ANKS3: variants seen among roughly 807,000 people sequenced by gnomAD.
ANKS3 encodes the protein ankyrin repeat and SAM domain-containing protein 3.
A neutral mutation model predicts 80.7 loss-of-function variants in ANKS3; 62 were observed. That is an observed-to-expected ratio of 0.77 (90% CI 0.63 to 0.95). ANKS3 has a LOEUF of 0.95. Among genes scored for constraint, ANKS3 ranks in the 40% least tolerant of loss-of-function variants. The probability of loss-of-function intolerance (pLI) is 0.00; values close to 1 mark genes in which losing one functional copy is unlikely to be tolerated. For missense variants in ANKS3, 1,150 were observed against 883.6 expected, an observed-to-expected ratio of 1.30 and a Z score of -3.82; for synonymous variants, 489 against 355.3, an observed-to-expected ratio of 1.38 and a Z score of -4.23.
At chr16:4,700,767 A>G in intron 11 of ANKS3, 2 of 791,446 alleles carry the variant, frequency 2.5e-6, no homozygotes, top group Non-Finnish European at 4.5e-6. Context: ...CTTTCCGTGG[A>G]GAGGAACAGA....
intron 5 of ANKS3, 123 bp downstream of exon 5, chr16:4,726,536 C>G (rs2081361898): frequency 3.9e-6 from 4 of 1,035,040 alleles, no homozygotes; most frequent in Non-Finnish European, 4.3e-6. Flanking sequence ...TACCCCTCAT[C>G]TTGAGCCTCT....
rs574607601 is a variant in ANKS3, at chr16:4,711,458, C to T, written c.709+2593G>A. On this transcript the variant is annotated intron_variant, in intron 7 of 17. Transcript: ENST00000304283. ...AATTGGCCGGGTGCGGTGGCTCACACCTATAATCCCAGTACTTTGGGAGGC... is the reference window on the plus strand; with the variant it reads ...AATTGGCCGGGTGCGGTGGCTCACATCTATAATCCCAGTACTTTGGGAGGC... Among the ~76,000 whole-genome samples, 81 of 151,824 alleles carry T rather than the reference C, an allele frequency of 5.3e-4. 1 individual carries two copies. Among genetic ancestry groups the T allele is most frequent in the South Asian group, 2.1e-3 (10 of 4,802 alleles).
At chr16:4,730,934 C>A (rs1188174004) in intron 2 of ANKS3, among the ~76,000 whole-genome samples, 1 of 151,890 alleles carries the variant, frequency 6.6e-6, no homozygotes, top group Admixed American at 6.6e-5. Flanking sequence ...CACTGTCTAA[C>A]GGGGACATAT....
chr16:4,734,208 C>T lies in ANKS3; in HGVS notation c.-341G>A, dbSNP rs1459852967. On this transcript the variant is annotated 5_prime_UTR_variant, in exon 1 of 18. Coordinates refer to ENST00000304283, the MANE Select transcript of ANKS3 (RefSeq NM_133450.4). ...CCCTCGGGCTGCCGTCGCCAACCCCCCCCAAACAGCTCGCCGCCACGCTCC... is the reference window on the plus strand; with the variant it reads ...CCCTCGGGCTGCCGTCGCCAACCCCTCCCAAACAGCTCGCCGCCACGCTCC... The T allele has an allele frequency of 5.6e-6, 1 of 179,356 alleles. No homozygotes were observed. The highest frequency in any genetic ancestry group is 1.9e-4 in the East Asian group (1 of 5,280). The allele number at this position is 179,356 out of a possible 1,614,324, so 11.1% of individuals were successfully genotyped here.
chr16:4,709,388 A>T (rs1286922021), intron 7 of ANKS3, among the ~76,000 whole-genome samples: 2 of 151,782 alleles, frequency 1.3e-5, no homozygotes, highest in Admixed American at 1.3e-4. Context: ...CCTAGGAAAC[A>T]AGAGCGAAAC....
chr16:4,706,675 T>A (rs941587578), intron 7 of ANKS3, among the ~76,000 whole-genome samples: 4 of 152,244 alleles, frequency 2.6e-5, no homozygotes, highest in Non-Finnish European at 4.4e-5. Flanking sequence ...ATATTTGATT[T>A]GTATAAGGCT....
chr16:4,707,694 G>A (rs1010227367), intron 7 of ANKS3, among the ~76,000 whole-genome samples: 2 of 152,100 alleles, frequency 1.3e-5, no homozygotes, highest in African/African-American at 4.8e-5. Context: ...CACGCTAATA[G>A]GTAATTTTGT....
In ANKS3 at chr16:4,709,463, G is replaced by C. The variant is rs752243402; in HGVS notation, c.710-4210C>G. ...ATGAGATCCAGCAATTCCACTACTG[G>C]GTATTTATCCAAAAGAAAGGAAATC... On this transcript the variant is annotated intron_variant, in intron 7 of 17. Transcript: ENST00000304283. Among the ~76,000 whole-genome samples, 3 of 151,854 alleles carry C rather than the reference G, an allele frequency of 2.0e-5. No individual in the cohort carries two copies. The East Asian group carries it at 5.8e-4, about 29-fold the overall frequency.
intron 1 of ANKS3, among the ~76,000 whole-genome samples, chr16:4,733,550 C>A (rs2081777844): frequency 6.6e-6 from 1 of 152,028 alleles, no homozygotes; most frequent in South Asian, 2.1e-4. Flanking sequence ...CCTTTGCCTC[C>A]CAAAGTGCTA....
Position 4,701,689 on chromosome 16 carries a change from T to C in ANKS3, c.1010-146A>G, listed in dbSNP as rs528280965. On this transcript the variant is annotated intron_variant, in intron 9 of 17. Coordinates refer to ENST00000304283, the MANE Select transcript of ANKS3 (RefSeq NM_133450.4). ...TATATTTCAAACTTCCTGCCTGTCC[T>C]AAACCCTCCCCTCTATACAGACGGG... is the stretch of plus-strand genomic sequence containing the variant. The C allele has an allele frequency of 1.0e-3, 665 of 658,614 alleles. 2 individuals carry two copies. In the African/African-American group the frequency reaches 0.011, roughly 11 times the overall value. 40.8% of individuals were successfully genotyped at this position (658,614 alleles called of 1,614,324 possible).
Position 4,696,562 on chromosome 16 carries a change from A to C in ANKS3, c.*346T>G, listed in dbSNP as rs928903211. The C allele has an allele frequency of 5.0e-5, 9 of 179,730 alleles. No homozygotes were observed. Among genetic ancestry groups the C allele is most frequent in the African/African-American group, 1.7e-4 (7 of 42,040 alleles). The allele number at this position is 179,730 out of a possible 1,614,324, so 11.1% of individuals were successfully genotyped here. A position where few individuals can be genotyped will look rare whatever the true frequency, so the allele number is the denominator to read the frequency against. ...AAAAATGGCATTTTCCAGGTGCCCC[A>C]GTCCTCATTCCTAAGGTCCCACCTC... is the stretch of plus-strand genomic sequence containing the variant. On this transcript the variant is annotated 3_prime_UTR_variant, in exon 18 of 18. Coordinates refer to ENST00000304283, the MANE Select transcript of ANKS3 (RefSeq NM_133450.4).
At chr16:4,710,702 C>A (rs1044425633) in intron 7 of ANKS3, among the ~76,000 whole-genome samples, 1 of 151,750 alleles carries the variant, frequency 6.6e-6, no homozygotes, top group Non-Finnish European at 1.5e-5. Context: ...AAAGCAAGAC[C>A]CTGTCACAAA....
Position 4,726,293 on chromosome 16 carries a change from C to T in ANKS3, c.491+366G>A, listed in dbSNP as rs2081347919. Among the ~76,000 whole-genome samples, 5 of 151,292 alleles carry T rather than the reference C, an allele frequency of 3.3e-5. No individual in the cohort carries two copies. In the Admixed American group the frequency reaches 3.3e-4, roughly 10 times the overall value. On this transcript the variant is annotated intron_variant, in intron 5 of 17. Transcript: ENST00000304283. The stretch of plus-strand genomic sequence containing the variant: ...GCCCGGCCTCATGACTGTTTCAAAG[C>T]ATCACCTCACCTCATCCATACAAAA...
chr16:4,698,712 C>A (rs2079727660), intron 13 of ANKS3, 88 bp downstream of exon 13: 2 of 1,543,534 alleles, frequency 1.3e-6, no homozygotes, highest in Non-Finnish European at 1.7e-6. Context: ...CCACCTGACC[C>A]CTCCACACAG....
chr16:4,710,108 G>C (rs1265791669), intron 7 of ANKS3, among the ~76,000 whole-genome samples: 1 of 152,152 alleles, frequency 6.6e-6, no homozygotes, highest in Admixed American at 6.5e-5. Flanking sequence ...GAGTAGAATA[G>C]TGATTATCAG....
intron 14 of ANKS3, 172 bp from the exon 15 acceptor site, chr16:4,698,234 C>T (rs1567290737): frequency 1.8e-6 from 2 of 1,113,806 alleles, no homozygotes; most frequent in South Asian, 1.6e-5. Context: ...GCGACCGGTG[C>T]AGATTCCCGG....
Position 4,697,997 on chromosome 16 carries a change from C to T in ANKS3, c.1790G>A (p.Gly597Asp), listed in dbSNP as rs529727002. Residue 597 changes from glycine to aspartate, a missense_variant, in exon 15 of 18, where the codon GGC (glycine) becomes GAC (aspartate). Transcript: ENST00000304283. ...QDQPPGAATLGLAVPPADSKG... is the reference protein window; with the variant it reads ...QDQPPGAATLDLAVPPADSKG... ...CTTACCAGCTGGGGGGACGGCTAGG[C>T]CCAGAGTGGCTGCACCAGGGGGCTG... 12 of 1,602,830 alleles carry T rather than the reference C, an allele frequency of 7.5e-6. No homozygotes were observed. In the African/African-American group the frequency reaches 1.5e-4, roughly 20 times the overall value.
At chr16:4,732,561 T>C (rs1287890192) in intron 1 of ANKS3, among the ~76,000 whole-genome samples, 1 of 151,316 alleles carries the variant, frequency 6.6e-6, no homozygotes, top group African/African-American at 2.4e-5. Flanking sequence ...TGGGCGCCTG[T>C]AGTCTCAGTA....
At chr16:4,711,218 C>T (rs1376551223) in intron 7 of ANKS3, among the ~76,000 whole-genome samples, 5 of 151,382 alleles carry the variant, frequency 3.3e-5, no homozygotes, top group Non-Finnish European at 5.9e-5. Flanking sequence ...ATTCTCCCAC[C>T]TCAGCCTCCC....
Sources: gnomAD v4.1 joint callset for allele counts (sites outside exome capture counted in the v4.1 genomes callset) on GRCh38, gnomAD v4.1.1 for gene constraint, MANE v1.5 for transcripts, NCBI Gene and HGNC (gene_info 2026-07-23, HGNC 2026-07-21) for gene names.